Variants in RPL37 observed in about 807,000 individuals in gnomAD.
The protein encoded by RPL37 is ribosomal protein L37.
Under a neutral mutation model 14.8 loss-of-function variants are expected in RPL37, and 1 was observed. The observed-to-expected ratio is 0.07, with a 90% confidence interval of 0.02 to 0.32. RPL37 has a LOEUF of 0.32. Ranked by LOEUF, RPL37 falls within the 10% of genes least tolerant of loss-of-function variation. RPL37 has a pLI of 1.00. For missense variants in RPL37, 100 were observed against 128.3 expected (o/e 0.78, Z 1.06); for synonymous variants, 53 against 45.8 (o/e 1.16, Z -0.63).
Position 40,828,319 on chromosome 5 carries a change from C to T in RPL37, c.*4185G>A, listed in dbSNP as rs1745561865. 6.6e-6 allele frequency: 1 copy of T among 152,178 alleles called. No homozygotes were observed. The highest frequency in any genetic ancestry group is 1.5e-5 in the Non-Finnish European group (1 of 68,040). The allele number at this position is 152,178 out of a possible 1,614,324, so 9.4% of individuals were successfully genotyped here. A position where few individuals can be genotyped will look rare whatever the true frequency, so the allele number is the denominator to read the frequency against. On this transcript the variant is annotated 3_prime_UTR_variant, in exon 4 of 4. Transcript: ENST00000274242. ...CTGCAATTGTCTATTATGTCACCTT[C>T]CACAAACATACATACAGTATATACA...
chr5:40,828,310 T>G lies in RPL37; in HGVS notation c.*4194A>C, dbSNP rs1017579295. The G allele has an allele frequency of 6.6e-6, 1 of 152,220 alleles. No homozygotes were observed. The highest frequency in any genetic ancestry group is 2.4e-5 in the African/African-American group (1 of 41,460). The allele number at this position is 152,220 out of a possible 1,614,324, so 9.4% of individuals were successfully genotyped here. A position where few individuals can be genotyped will look rare whatever the true frequency, so the allele number is the denominator to read the frequency against. On this transcript the variant is annotated 3_prime_UTR_variant, in exon 4 of 4. Coordinates refer to ENST00000274242, the MANE Select transcript of RPL37 (RefSeq NM_000997.5). The stretch of plus-strand genomic sequence containing the variant: ...TATCACTATCTGCAATTGTCTATTA[T>G]GTCACCTTCCACAAACATACATACA...
At position 40,826,477 on chromosome 5, in the gene RPL37, G is replaced by A. The variant is rs948678548; in HGVS notation, c.*6027C>T. On this transcript the variant is annotated 3_prime_UTR_variant, in exon 4 of 4. Coordinates refer to ENST00000274242, the MANE Select transcript of RPL37 (RefSeq NM_000997.5). The stretch of plus-strand genomic sequence containing the variant: ...AATGAAGAAATTTCTTTGGAGAATT[G>A]TTAAGTGCTCAATTCAGCCTTCTTG... 17 of 152,302 alleles carry A rather than the reference G, an allele frequency of 1.1e-4. No individual in the cohort carries two copies. In the South Asian group the frequency reaches 1.7e-3, roughly 15 times the overall value. 9.4% of individuals were successfully genotyped at this position (152,302 alleles called of 1,614,324 possible).
chr5:40,828,540 T>A lies in RPL37; in HGVS notation c.*3964A>T, dbSNP rs1190898859. The A allele has an allele frequency of 7.9e-5, 12 of 152,192 alleles. No homozygotes were observed. 9.4% of individuals were successfully genotyped at this position (152,192 alleles called of 1,614,324 possible). On this transcript the variant is annotated 3_prime_UTR_variant, in exon 4 of 4. Transcript: ENST00000274242. The stretch of plus-strand genomic sequence containing the variant: ...TCTAGTGTTGTCTTTTAAACTAAAC[T>A]CCCCATTCCTCACTGCCCAATCTCG...
rs770206881 is a variant in RPL37, at chr5:40,835,197, G to A, written c.-12C>T. On this transcript the variant is annotated 5_prime_UTR_variant, in exon 1 of 4. Transcript: ENST00000274242. ...TCACAACTCACCATCTCGCTTCTGC[G>A]GCCGAGACCAGAAAGACCGGAAGAG... 5 of 1,613,950 alleles carry A rather than the reference G, an allele frequency of 3.1e-6. No homozygotes were observed. The African/African-American group carries it at 4.0e-5, about 13-fold the overall frequency.
Position 40,832,239 on chromosome 5 carries a change from ATT to A in RPL37, c.*263_*264del. 4.4e-6 allele frequency: 2 copies of A among 456,376 alleles called. No individual in the cohort carries two copies. Among genetic ancestry groups the A allele is most frequent in the East Asian group, 4.2e-5 (1 of 23,666 alleles). The allele number at this position is 456,376 out of a possible 1,614,324, so 28.3% of individuals were successfully genotyped here. ...GAGCTGTGCTATTTTAATCTGCTAT[ATT>A]GTCTTCCAGTGCCCTCTGCTTCAAG... is the stretch of plus-strand genomic sequence containing the variant. On this transcript the variant is annotated 3_prime_UTR_variant, in exon 4 of 4. Transcript: ENST00000274242.
Position 40,831,092 on chromosome 5 carries a change from A to C in RPL37, c.*1412T>G, listed in dbSNP as rs1745631721. The C allele has an allele frequency of 6.6e-6, 1 of 152,050 alleles. No individual in the cohort carries two copies. The highest frequency in any genetic ancestry group is 1.5e-5 in the Non-Finnish European group (1 of 68,036). 9.4% of individuals were successfully genotyped at this position (152,050 alleles called of 1,614,324 possible). On this transcript the variant is annotated 3_prime_UTR_variant, in exon 4 of 4. Transcript: ENST00000274242. The stretch of plus-strand genomic sequence containing the variant: ...CCCAGTCTCTACTAAGAATACAAAA[A>C]GAATTAGTCGAGTGAATCTCCATCT...
At position 40,830,881 on chromosome 5, in the gene RPL37, T is replaced by C. The variant is rs1745627139; in HGVS notation, c.*1623A>G. 1 of 152,140 alleles carries C rather than the reference T, an allele frequency of 6.6e-6. No homozygotes were observed. 9.4% of individuals were successfully genotyped at this position (152,140 alleles called of 1,614,324 possible). A position where few individuals can be genotyped will look rare whatever the true frequency, so the allele number is the denominator to read the frequency against. ...CTGGCCAAACTTCACCAGCTTTACA[T>C]TATACCCACAGCAACTCAGCTGTCT... On this transcript the variant is annotated 3_prime_UTR_variant, in exon 4 of 4. Coordinates refer to ENST00000274242, the MANE Select transcript of RPL37 (RefSeq NM_000997.5).
chr5:40,834,060 T>C (rs547093604), intron 3 of RPL37, 121 bp downstream of exon 3: 2 of 739,418 alleles, frequency 2.7e-6, no homozygotes, highest in Non-Finnish European at 4.6e-6. Context: ...CAACAATAAA[T>C]AAAAAGCTTC....
rs1300265187 is a variant in RPL37, at chr5:40,827,255, C to T, written c.*5249G>A. ...ACTACCCTATCTCCTCACTCCTCAC[C>T]TTTTGTACCTCCAGTCTACACTTTA... On this transcript the variant is annotated 3_prime_UTR_variant, in exon 4 of 4. Transcript: ENST00000274242. The T allele has an allele frequency of 6.6e-6, 1 of 152,164 alleles. No individual in the cohort carries two copies. Among genetic ancestry groups the T allele is most frequent in the East Asian group, 1.9e-4 (1 of 5,182 alleles). 9.4% of individuals were successfully genotyped at this position (152,164 alleles called of 1,614,324 possible).
In RPL37 at chr5:40,827,321, T is replaced by A. The variant is rs1308398319; in HGVS notation, c.*5183A>T. 5 of 152,116 alleles carry A rather than the reference T, an allele frequency of 3.3e-5. No individual in the cohort carries two copies. The highest frequency in any genetic ancestry group is 1.2e-4 in the African/African-American group (5 of 41,408). 9.4% of individuals were successfully genotyped at this position (152,116 alleles called of 1,614,324 possible). A position where few individuals can be genotyped will look rare whatever the true frequency, so the allele number is the denominator to read the frequency against. On this transcript the variant is annotated 3_prime_UTR_variant, in exon 4 of 4. Transcript: ENST00000274242. ...CTTGCAGCTCACAGCTCCAGAAAAG[T>A]ATAAGGAGAAAGCTGAAATCAGAGG...
rs1366025526 is a variant in RPL37, at chr5:40,825,750, G to C, written c.*6754C>G. On this transcript the variant is annotated 3_prime_UTR_variant, in exon 4 of 4. Coordinates refer to ENST00000274242, the MANE Select transcript of RPL37 (RefSeq NM_000997.5). ...TTTGAGACAGTCTCGCTGTCACTGA[G>C]GCTGGAGTGCAGTGGTGCAATCTCA... 6.6e-6 allele frequency: 1 copy of C among 152,310 alleles called. No individual in the cohort carries two copies. The allele number at this position is 152,310 out of a possible 1,614,324, so 9.4% of individuals were successfully genotyped here. A position where few individuals can be genotyped will look rare whatever the true frequency, so the allele number is the denominator to read the frequency against.
chr5:40,835,081 T>C, intron 1 of RPL37, 102 bp downstream of exon 1: 3 of 1,524,650 alleles, frequency 2.0e-6, no homozygotes, highest in Non-Finnish European at 2.7e-6. Flanking sequence ...GCCCACCAGT[T>C]CCCCTTATCC....
Position 40,831,965 on chromosome 5 carries a change from T to G in RPL37, c.*539A>C, listed in dbSNP as rs185728852. The G allele has an allele frequency of 2.7e-3, 415 of 156,124 alleles. No individual in the cohort carries two copies. The highest frequency in any genetic ancestry group is 9.5e-3 in the African/African-American group (396 of 41,590). The allele number at this position is 156,124 out of a possible 1,614,324, so 9.7% of individuals were successfully genotyped here. ...GCTTTTTTCACTTAGCTAGCCACCT[T>G]ACACACAGCCCACAAGTCAGGTGTG... On this transcript the variant is annotated 3_prime_UTR_variant, in exon 4 of 4. Transcript: ENST00000274242.
chr5:40,831,577 T>C lies in RPL37; in HGVS notation c.*927A>G, dbSNP rs1416694421. On this transcript the variant is annotated 3_prime_UTR_variant, in exon 4 of 4. Transcript: ENST00000274242. ...ATAGCATGACTTGGCTACATCACTA[T>C]TTTATGTAGCTGTTCCAGCAATTCA... The C allele has an allele frequency of 2.0e-5, 3 of 152,338 alleles. No individual in the cohort carries two copies. The highest frequency in any genetic ancestry group is 7.2e-5 in the African/African-American group (3 of 41,446). The allele number at this position is 152,338 out of a possible 1,614,324, so 9.4% of individuals were successfully genotyped here.
intron 1 of RPL37, 78 bp downstream of exon 1, chr5:40,835,105 C>G: frequency 6.3e-7 from 1 of 1,596,824 alleles, no homozygotes; most frequent in Non-Finnish European, 8.6e-7. Flanking sequence ...ATCTTGCCAG[C>G]CCCCCAAGCA....
In RPL37 at chr5:40,829,060, C is replaced by T. The variant is rs1273802401; in HGVS notation, c.*3444G>A. Reference sequence around the variant, plus strand: ...CGATGAACTCAAGCCCTCTTGCTTACTCTGACTTCTACATGCCTATCAAAT... The same window carrying T: ...CGATGAACTCAAGCCCTCTTGCTTATTCTGACTTCTACATGCCTATCAAAT... On this transcript the variant is annotated 3_prime_UTR_variant, in exon 4 of 4. Coordinates refer to ENST00000274242, the MANE Select transcript of RPL37 (RefSeq NM_000997.5). 6.6e-6 allele frequency: 1 copy of T among 152,184 alleles called. No individual in the cohort carries two copies. Among genetic ancestry groups the T allele is most frequent in the Non-Finnish European group, 1.5e-5 (1 of 68,034 alleles). The allele number at this position is 152,184 out of a possible 1,614,324, so 9.4% of individuals were successfully genotyped here. A position where few individuals can be genotyped will look rare whatever the true frequency, so the allele number is the denominator to read the frequency against.
In RPL37 at chr5:40,833,204, G is replaced by A. The variant is rs78264092; in HGVS notation, c.225-631C>T. On this transcript the variant is annotated intron_variant, in intron 3 of 3. Transcript: ENST00000274242. ...CACCTATGGGTGTCTACAAAGCCCT[G>A]AACTGTCTTGCTATCTTTAAAACTG... 6.1e-4 allele frequency among the ~76,000 whole-genome samples: 93 copies of A among 152,284 alleles called. No homozygotes were observed. In the East Asian group the frequency reaches 0.011, roughly 19 times the overall value.
rs547112046 is a variant in RPL37 at position 40,832,057 on chromosome 5, A to T, written c.*447T>A. 2.0e-4 allele frequency: 36 copies of T among 176,078 alleles called. No homozygotes were observed. The highest frequency in any genetic ancestry group is 8.2e-4 in the African/African-American group (35 of 42,460). The allele number at this position is 176,078 out of a possible 1,614,324, so 10.9% of individuals were successfully genotyped here. On this transcript the variant is annotated 3_prime_UTR_variant, in exon 4 of 4. Coordinates refer to ENST00000274242, the MANE Select transcript of RPL37 (RefSeq NM_000997.5). ...AAAAACAGAAGCCACCTAAACTCCT[A>T]CCCATACGTTTCCAGTGGTACTCCC... is the stretch of plus-strand genomic sequence containing the variant.
At position 40,834,165 on chromosome 5, in the gene RPL37, AACAT is replaced by A; in HGVS notation, c.224+12_224+15del. 14 of 1,587,280 alleles carry A rather than the reference AACAT, an allele frequency of 8.8e-6. No homozygotes were observed. Among genetic ancestry groups the A allele is most frequent in the Non-Finnish European group, 1.1e-5 (13 of 1,155,628 alleles). On this transcript the variant is annotated intron_variant, in intron 3 of 3. Coordinates refer to ENST00000274242, the MANE Select transcript of RPL37 (RefSeq NM_000997.5). Reference sequence around the variant, plus strand: ...AAGCCCACTGGACCAATTATGATCGAACATACAAACTGTACCTGAATCTGCGGTA... The same window carrying A: ...AAGCCCACTGGACCAATTATGATCGAACAAACTGTACCTGAATCTGCGGTA...
Sources: allele counts gnomAD v4.1 joint callset (sites outside exome capture counted in the v4.1 genomes callset), GRCh38; gene constraint gnomAD v4.1.1; transcripts MANE v1.5; gene names NCBI Gene and HGNC (gene_info 2026-07-23, HGNC 2026-07-21).